DSCAML1: variants seen among roughly 807,000 people sequenced by gnomAD.
The protein encoded by DSCAML1 is cell adhesion molecule DSCAML1.
A neutral mutation model predicts 200.5 loss-of-function variants in DSCAML1; 38 were observed. The observed-to-expected ratio is 0.19, with a 90% CI of 0.15 to 0.25. The LOEUF (loss-of-function observed/expected upper bound fraction) is 0.25, where lower values mean the gene tolerates loss of function less well. Among genes scored for constraint, DSCAML1 ranks in the 10% least tolerant of loss-of-function variants. The pLI, the probability that DSCAML1 is intolerant of heterozygous loss-of-function variation, is 1.00. For missense variants in DSCAML1, 2,223 were observed against 2,858.8 expected (o/e 0.78, Z 5.07); for synonymous variants, 1,215 against 1,165.0 (o/e 1.04, Z -0.87).
Position 117,505,491 on chromosome 11 carries a change from G to A in DSCAML1, c.2025C>T (p.Ala675=), listed in dbSNP as rs146521058. 6.0e-5 allele frequency: 97 copies of A among 1,612,598 alleles called. No homozygotes were observed. The highest frequency in any genetic ancestry group is 1.8e-4 in the Admixed American group (11 of 60,028). ...GNYTCIASNA[A]ATVSRERQLI... is the part of the protein sequence containing the mutation. ...GCTGGCGCTCCCGGCTCACGGTGGC[G>A]GCTGCGTTGCTGGCGATGCATGTAT... Residue 675 remains alanine (A), a synonymous_variant, in exon 9 of 33, where the codon GCC becomes GCT. Transcript: ENST00000651296. This position sits in a 1 kb window ranked among gnomAD's most constrained non-coding sequence, Gnocchi z 6.7.
At position 117,437,488 on chromosome 11, in the gene DSCAML1, T is replaced by C. The variant is rs2047944846; in HGVS notation, c.4433-79A>G. 1 of 1,512,480 alleles carries C rather than the reference T, an allele frequency of 6.6e-7. No homozygotes were observed. Among genetic ancestry groups the C allele is most frequent in the Non-Finnish European group, 9.0e-7 (1 of 1,116,470 alleles). The allele number at this position is 1,512,480 out of a possible 1,614,324, so 93.7% of individuals were successfully genotyped here. On this transcript the variant is annotated intron_variant, in intron 25 of 32. Transcript: ENST00000651296. This position sits in a 1 kb window ranked among gnomAD's most constrained non-coding sequence, Gnocchi z 5.3. The stretch of plus-strand genomic sequence containing the variant: ...CTGGACTGGGCTGGGCTGGAAAGGA[T>C]TTCCCTGGGGCAGCTGGGATGGCAG...
At position 117,443,422 on chromosome 11, in the gene DSCAML1, G is replaced by A. The variant is rs117099481; in HGVS notation, c.3862+464C>T. On this transcript the variant is annotated intron_variant, in intron 21 of 32. Transcript: ENST00000651296. ...CACAGCACGCGCTCCGTAAAGGTCT[G>A]CGGATCGCAGGAATCCGCCATCGCT... 8.1e-3 allele frequency among the ~76,000 whole-genome samples: 1,228 copies of A among 152,366 alleles called. 46 individuals are homozygous for A. The East Asian group carries it at 0.11, about 14-fold the overall frequency.
intron 3 of DSCAML1, among the ~76,000 whole-genome samples, chr11:117,724,253 G>A (rs1203925904): frequency 6.6e-6 from 1 of 152,204 alleles, no homozygotes; most frequent in African/African-American, 2.4e-5. Flanking sequence ...ACTTCGCTGA[G>A]GCCATAGGAG....
intron 3 of DSCAML1, among the ~76,000 whole-genome samples, chr11:117,630,658 CAAAAAAAAAAAAAAA>C (rs56741831): frequency 2.2e-5 from 1 of 45,560 alleles, no homozygotes; most frequent in African/African-American, 7.7e-5. Flanking sequence ...ATAAAGTGGC[CAAAAAAAAAAAAAAA>C]AAAAAAAAAA....
intron 3 of DSCAML1, among the ~76,000 whole-genome samples, chr11:117,702,986 G>A (rs1435080275): frequency 6.6e-6 from 1 of 152,186 alleles, no homozygotes; most frequent in Non-Finnish European, 1.5e-5. Flanking sequence ...GTTTGAATTT[G>A]GAGGTTTCTT....
intron 1 of DSCAML1, among the ~76,000 whole-genome samples, chr11:117,794,042 CCT>C (rs2055528029): frequency 6.8e-6 from 1 of 146,034 alleles, no homozygotes; most frequent in African/African-American, 2.6e-5. Context: ...GCCCCCCCCC[CCT>C]TTTTTTAATT....
In DSCAML1 at chr11:117,712,530, G is replaced by T. The variant is rs146005231; in HGVS notation, c.511+64261C>A. On this transcript the variant is annotated intron_variant, in intron 3 of 32. Coordinates refer to ENST00000651296, the MANE Select transcript of DSCAML1 (RefSeq NM_020693.4). ...AAGTGCTGGTTTCTTATGGAAATAAGAATTTTTGGTAATTACACAGGAGCT... is the reference window on the plus strand; with the variant it reads ...AAGTGCTGGTTTCTTATGGAAATAATAATTTTTGGTAATTACACAGGAGCT... 9.4e-3 allele frequency among the ~76,000 whole-genome samples: 1,437 copies of T among 152,254 alleles called. 1 individual carries two copies. Among genetic ancestry groups the T allele is most frequent in the Non-Finnish European group, 0.014 (974 of 68,010 alleles).
intron 27 of DSCAML1, among the ~76,000 whole-genome samples, chr11:117,434,794 A>T (rs573138629): frequency 1.3e-5 from 2 of 151,978 alleles, no homozygotes; most frequent in Non-Finnish European, 2.9e-5. Flanking sequence ...CCACCCAATC[A>T]TCCATCCATC....
chr11:117,437,205 C>T lies in DSCAML1; in HGVS notation c.4637G>A (p.Trp1546Ter). ...VFLTELREAT[W>*]YELRMRACNS... ...GCAAGCCCTCATGCGCAGCTCGTACCACGTGGCCTCTCGCAGTTCCGTCAG... is the reference window on the plus strand; with the variant it reads ...GCAAGCCCTCATGCGCAGCTCGTACTACGTGGCCTCTCGCAGTTCCGTCAG... Residue 1546 changes from tryptophan (W) to a stop codon, truncating the protein, a stop_gained, in exon 26 of 33, where the codon TGG (tryptophan) becomes TAG (stop). Coordinates refer to ENST00000651296, the MANE Select transcript of DSCAML1 (RefSeq NM_020693.4). LOFTEE classifies it high-confidence loss of function. This position sits in a 1 kb window ranked among gnomAD's most constrained non-coding sequence, Gnocchi z 5.3. 1 of 1,614,228 alleles carries T rather than the reference C, an allele frequency of 6.2e-7. No homozygotes were observed. Among genetic ancestry groups the T allele is most frequent in the Non-Finnish European group, 8.5e-7 (1 of 1,180,050 alleles).
At chr11:117,570,392 G>A (rs73588603) in intron 3 of DSCAML1, among the ~76,000 whole-genome samples, 2,693 of 152,234 alleles carry the variant, frequency 0.018, 80 homozygotes, top group African/African-American at 0.061. Context: ...GTCCCCCTCT[G>A]TCCCTTTACT....
At chr11:117,436,520 G>GTGTGTGTGTA (rs138376269) in intron 26 of DSCAML1, among the ~76,000 whole-genome samples, 5 of 151,750 alleles carry the variant, frequency 3.3e-5, no homozygotes, top group African/African-American at 1.2e-4. Flanking sequence ...ATGGATGTGT[G>GTGTGTGTGTA]TGTGTGTGTA....
In DSCAML1 at chr11:117,815,140, G is replaced by A. The variant is rs568168828; in HGVS notation, c.-250+2250C>T. On this transcript the variant is annotated intron_variant, in intron 1 of 2. Transcript: ENST00000525836. ...GTGTTCACTGCCGGGAGGAAGCCAA[G>A]TGTGTATTTGCAGGGGCTGTGGGGG... Among the ~76,000 whole-genome samples, 3 of 152,340 alleles carry A rather than the reference G, an allele frequency of 2.0e-5. No individual in the cohort carries two copies. In the East Asian group the frequency reaches 5.8e-4, roughly 29 times the overall value.
At chr11:117,618,574 G>A (rs1003694921) in intron 3 of DSCAML1, among the ~76,000 whole-genome samples, 1 of 151,926 alleles carries the variant, frequency 6.6e-6, no homozygotes, top group Admixed American at 6.6e-5. Context: ...CCATCCATCA[G>A]AATAGTGCTG....
intron 3 of DSCAML1, among the ~76,000 whole-genome samples, chr11:117,645,248 T>A (rs2052499037): frequency 6.6e-6 from 1 of 152,014 alleles, no homozygotes; most frequent in South Asian, 2.1e-4. Context: ...TAAGAACGAG[T>A]TCCAGAGAGA....
At chr11:117,565,391 T>C (rs1047018623) in intron 3 of DSCAML1, among the ~76,000 whole-genome samples, 53 of 152,376 alleles carry the variant, frequency 3.5e-4, no homozygotes, top group African/African-American at 1.3e-3. Context: ...AGTGACCCTA[T>C]TGATCTATAT....
chr11:117,549,376 C>T (rs2050431843), intron 3 of DSCAML1, among the ~76,000 whole-genome samples: 1 of 152,194 alleles, frequency 6.6e-6, no homozygotes, highest in African/African-American at 2.4e-5. Flanking sequence ...AAAAAATATT[C>T]CTTAAATGAA....
At chr11:117,468,447 G>A (rs1313175374) in intron 16 of DSCAML1, among the ~76,000 whole-genome samples, 1 of 152,178 alleles carries the variant, frequency 6.6e-6, no homozygotes, top group Non-Finnish European at 1.5e-5. Context: ...TTATCGACCT[G>A]TGGGTCAGAG....
At chr11:117,485,903 A>G (rs2049038177) in intron 11 of DSCAML1, among the ~76,000 whole-genome samples, 9 of 152,292 alleles carry the variant, frequency 5.9e-5, no homozygotes, top group South Asian at 4.1e-4. Context: ...GGCCTGGCCA[A>G]TGGTTCCTTG....
intron 3 of DSCAML1, among the ~76,000 whole-genome samples, chr11:117,533,260 T>G (rs1229670727): frequency 6.6e-6 from 1 of 152,238 alleles, no homozygotes; most frequent in African/African-American, 2.4e-5. Context: ...TTCATATTCC[T>G]TGCTCATTGG....
Sources: allele counts gnomAD v4.1 joint callset (sites outside exome capture counted in the v4.1 genomes callset), GRCh38; gene constraint gnomAD v4.1.1; non-coding constraint Gnocchi (gnomAD v3.1); transcripts MANE v1.5; gene names NCBI Gene and HGNC (gene_info 2026-07-23, HGNC 2026-07-21).